The following SLC35F4 variants were observed in gnomAD, a reference collection of about 807,000 sequenced individuals.
SLC35F4 encodes the protein solute carrier family 35 member F4.
In SLC35F4, 24 loss-of-function variants were observed where a neutral mutation model predicts 44.2. The ratio of observed to expected loss-of-function variants is 0.54; its 90% CI spans 0.39 to 0.76. The LOEUF is 0.76. Ranked by LOEUF, SLC35F4 falls within the 30% of genes least tolerant of loss-of-function variation. SLC35F4 has a pLI of 0.00. For missense variants in SLC35F4, 562 were observed against 586.1 expected (o/e 0.96, Z 0.42); for synonymous variants, 238 against 223.6 (o/e 1.06, Z -0.57).
At chr14:57,911,651 G>A (rs61143706) in intron 1 of SLC35F4, among the ~76,000 whole-genome samples, 5,536 of 151,968 alleles carry the variant, frequency 0.036, 341 homozygotes, top group African/African-American at 0.13. Context: ...TCGTCATAGC[G>A]TATAATTCTT....
At chr14:57,943,426 C>T (rs777250107) in intron 1 of SLC35F4, among the ~76,000 whole-genome samples, 5 of 152,308 alleles carry the variant, frequency 3.3e-5, no homozygotes, top group Middle Eastern at 3.4e-3. Flanking sequence ...CAAATGTCTA[C>T]GCTTTCCAAA....
intron 1 of SLC35F4, among the ~76,000 whole-genome samples, chr14:57,750,514 C>T (rs1422687797): frequency 2.0e-5 from 3 of 152,160 alleles, no homozygotes; most frequent in African/African-American, 7.2e-5. Context: ...ATAAGAGTTT[C>T]CTTTTATCCA....
intron 1 of SLC35F4, among the ~76,000 whole-genome samples, chr14:57,822,122 T>C (rs1883237149): frequency 6.6e-6 from 1 of 152,210 alleles, no homozygotes; most frequent in Admixed American, 6.5e-5. Context: ...ATGCTGATGC[T>C]TCTCTGACAG....
rs539399527 is a variant in SLC35F4 at position 57,655,565 on chromosome 14, C to T, written c.104-61441G>A. ...GTGTGTGGTGTCACTCTAGGGGATG[C>T]CATTCACAAATGGTGCTCTATAAAG... On this transcript the variant is annotated intron_variant, in intron 1 of 7. Coordinates refer to ENST00000556826, the MANE Select transcript of SLC35F4 (RefSeq NM_001306087.2). Among the ~76,000 whole-genome samples, 126 of 152,150 alleles carry T rather than the reference C, an allele frequency of 8.3e-4. 2 individuals are homozygous for T. The highest frequency in any genetic ancestry group is 3.0e-3 in the African/African-American group (123 of 41,512).
At chr14:57,599,546 T>A (rs1013153215) in intron 1 of SLC35F4, among the ~76,000 whole-genome samples, 1 of 152,020 alleles carries the variant, frequency 6.6e-6, no homozygotes, top group Admixed American at 6.6e-5. Flanking sequence ...GACAGAGTGA[T>A]TAGAAGAATC....
At chr14:57,609,101 A>G (rs1038918541) in intron 1 of SLC35F4, among the ~76,000 whole-genome samples, 2 of 152,198 alleles carry the variant, frequency 1.3e-5, no homozygotes, top group Non-Finnish European at 2.9e-5. Flanking sequence ...TCGATAAACC[A>G]TCCCAAATCT....
chr14:57,980,788 T>A (rs1881355692), intron 1 of SLC35F4, among the ~76,000 whole-genome samples: 1 of 152,202 alleles, frequency 6.6e-6, no homozygotes, highest in Non-Finnish European at 1.5e-5. Context: ...AAATGTTTAA[T>A]TGAGTTCTAT....
chr14:57,633,327 T>C, intron 1 of SLC35F4, among the ~76,000 whole-genome samples: 1 of 152,118 alleles, frequency 6.6e-6, no homozygotes, highest in East Asian at 1.9e-4. Flanking sequence ...CCAAAGGTGC[T>C]ATACCATTTT....
rs375441109 is a variant in SLC35F4 at position 57,706,997 on chromosome 14, T to C, written c.104-112873A>G. On this transcript the variant is annotated intron_variant, in intron 1 of 7. Transcript: ENST00000556826. ...CAAGAATGGATGTGAGAAGACTGGTTTGGAAGCTGGTGTATTTAGTCCAGG... is the reference window on the plus strand; with the variant it reads ...CAAGAATGGATGTGAGAAGACTGGTCTGGAAGCTGGTGTATTTAGTCCAGG... Among the ~76,000 whole-genome samples the C allele has an allele frequency of 6.5e-4, 99 of 152,280 alleles. No homozygotes were observed. The South Asian group carries it at 9.7e-3, about 15-fold the overall frequency.
chr14:57,981,119 G>A (rs1317609483), intron 1 of SLC35F4, among the ~76,000 whole-genome samples: 1 of 152,156 alleles, frequency 6.6e-6, no homozygotes, highest in Non-Finnish European at 1.5e-5. Context: ...ACAACAGCCC[G>A]GGCACTTGGG....
At chr14:57,921,480 G>A (rs550694261) in intron 1 of SLC35F4, among the ~76,000 whole-genome samples, 2 of 152,304 alleles carry the variant, frequency 1.3e-5, no homozygotes, top group Admixed American at 1.3e-4. Context: ...TAGTACCTAA[G>A]GTCCTTAGAC....
chr14:57,932,816 T>TC (rs1889724433), intron 1 of SLC35F4, among the ~76,000 whole-genome samples: 1 of 151,648 alleles, frequency 6.6e-6, no homozygotes, highest in Admixed American at 6.6e-5. Context: ...ACCACTGCAC[T>TC]CAAAAAAAAA....
At chr14:57,909,396 T>C (rs1758664257) in intron 1 of SLC35F4, among the ~76,000 whole-genome samples, 3 of 152,128 alleles carry the variant, frequency 2.0e-5, no homozygotes, top group Non-Finnish European at 4.4e-5. Flanking sequence ...TACTGAAATA[T>C]GATACTAAAC....
intron 1 of SLC35F4, among the ~76,000 whole-genome samples, chr14:57,876,160 C>A (rs781317840): frequency 1.3e-5 from 2 of 152,132 alleles, no homozygotes; most frequent in African/African-American, 4.8e-5. Context: ...GCTGGGTCTG[C>A]ATAATGTTGG....
At chr14:57,963,782 G>A (rs1470307317) in intron 1 of SLC35F4, among the ~76,000 whole-genome samples, 1 of 133,826 alleles carries the variant, frequency 7.5e-6, no homozygotes, top group Non-Finnish European at 1.5e-5. Flanking sequence ...GAGTGCAGTC[G>A]TGCAATCGTA....
At chr14:57,680,242 C>G (rs1048031931) in intron 1 of SLC35F4, among the ~76,000 whole-genome samples, 1 of 152,018 alleles carries the variant, frequency 6.6e-6, no homozygotes, top group African/African-American at 2.4e-5. Context: ...TAAACATAAA[C>G]CATCACATAA....
chr14:57,801,563 G>A (rs747383411), intron 1 of SLC35F4, among the ~76,000 whole-genome samples: 21 of 151,900 alleles, frequency 1.4e-4, no homozygotes, highest in Non-Finnish European at 2.8e-4. Flanking sequence ...GACACAGGAT[G>A]GCAAGCTGGA....
intron 1 of SLC35F4, among the ~76,000 whole-genome samples, chr14:57,947,406 T>C (rs1332782614): frequency 6.6e-6 from 1 of 152,152 alleles, no homozygotes; most frequent in Non-Finnish European, 1.5e-5. Context: ...ACTGAATTCA[T>C]TTATCAGATA....
chr14:57,831,399 G>T (rs997423993), intron 1 of SLC35F4, among the ~76,000 whole-genome samples: 1 of 152,148 alleles, frequency 6.6e-6, no homozygotes, highest in African/African-American at 2.4e-5. Flanking sequence ...GGTATTTTGT[G>T]ATAGCAGCCC....
Sources: gnomAD v4.1 joint callset for allele counts (sites outside exome capture counted in the v4.1 genomes callset) on GRCh38, gnomAD v4.1.1 for gene constraint, MANE v1.5 for transcripts, NCBI Gene and HGNC (gene_info 2026-07-23, HGNC 2026-07-21) for gene names.